Variants in AGMO observed in about 807,000 individuals in gnomAD.
The protein encoded by AGMO is alkylglycerol monooxygenase, also known as glyceryl-ether monooxygenase.
AGMO carries 75 observed loss-of-function variants against 60.2 expected under a neutral mutation model. The ratio of observed to expected loss-of-function variants is 1.25; its 90% CI spans 1.03 to 1.51. The LOEUF is 1.51. Among genes scored for constraint, AGMO ranks in the 40% most tolerant of loss-of-function variants. The probability of loss-of-function intolerance (pLI) is 0.00; values close to 1 mark genes in which losing one functional copy is unlikely to be tolerated. For missense variants in AGMO, 763 were observed against 525.5 expected (o/e 1.45, Z -4.42); for synonymous variants, 261 against 177.1 (o/e 1.47, Z -3.76).
chr7:15,277,097 C>T (rs1324088093), intron 12 of AGMO, among the ~76,000 whole-genome samples: 1 of 151,900 alleles, frequency 6.6e-6, no homozygotes, highest in African/African-American at 2.4e-5. Flanking sequence ...TACCCGAGAT[C>T]AGGAGTTCTA....
At chr7:15,394,521 A>T (rs557572420) in intron 5 of AGMO, among the ~76,000 whole-genome samples, 1 of 152,320 alleles carries the variant, frequency 6.6e-6, no homozygotes, top group East Asian at 1.9e-4. Flanking sequence ...TGGAAATAGT[A>T]ACATATCTAC....
At chr7:15,537,762 T>C (rs1784518834) in intron 3 of AGMO, among the ~76,000 whole-genome samples, 1 of 152,120 alleles carries the variant, frequency 6.6e-6, no homozygotes, top group Non-Finnish European at 1.5e-5. Context: ...ATACATTATC[T>C]ACATATGGAA....
At chr7:15,547,591 A>G (rs1353459986) in intron 2 of AGMO, among the ~76,000 whole-genome samples, 1 of 152,106 alleles carries the variant, frequency 6.6e-6, no homozygotes, top group African/African-American at 2.4e-5. Flanking sequence ...TCCCACACGA[A>G]TATTGCGCTT....
In AGMO at chr7:15,532,748, T is replaced by C. The variant is rs1011216665; in HGVS notation, c.409+12024A>G. Reference sequence around the variant, plus strand: ...GTTCATGCCTATAATCTCAGCACTTTGGGAGGCCGAGGTGAGAGGATGTCT... The same window carrying C: ...GTTCATGCCTATAATCTCAGCACTTCGGGAGGCCGAGGTGAGAGGATGTCT... On this transcript the variant is annotated intron_variant, in intron 3 of 12. Transcript: ENST00000342526. Among the ~76,000 whole-genome samples the C allele has an allele frequency of 2.0e-5, 3 of 152,206 alleles. No homozygotes were observed. In the East Asian group the frequency reaches 5.8e-4, roughly 29 times the overall value.
intron 12 of AGMO, among the ~76,000 whole-genome samples, chr7:15,278,800 T>C (rs915069187): frequency 1.1e-4 from 16 of 152,100 alleles, no homozygotes; most frequent in South Asian, 2.1e-4. Context: ...CAAGGACATA[T>C]TGCTGCCCTC....
chr7:15,517,125 T>G (rs1783833843), intron 3 of AGMO, among the ~76,000 whole-genome samples: 1 of 152,118 alleles, frequency 6.6e-6, no homozygotes, highest in South Asian at 2.1e-4. Flanking sequence ...ATAATGATTT[T>G]GAAAGTGTGT....
At chr7:15,303,740 A>G (rs1780523750) in intron 12 of AGMO, among the ~76,000 whole-genome samples, 1 of 152,146 alleles carries the variant, frequency 6.6e-6, no homozygotes, top group African/African-American at 2.4e-5. Context: ...GAAAAATGAA[A>G]TATTAAGTTA....
intron 3 of AGMO, among the ~76,000 whole-genome samples, chr7:15,538,013 A>T (rs1248193146): frequency 6.6e-6 from 1 of 152,086 alleles, no homozygotes; most frequent in Non-Finnish European, 1.5e-5. Flanking sequence ...CATAGGTGCC[A>T]TATTTTTTGG....
At chr7:15,276,520 A>T (rs527951150) in intron 12 of AGMO, among the ~76,000 whole-genome samples, 126 of 152,048 alleles carry the variant, frequency 8.3e-4, no homozygotes, top group Non-Finnish European at 1.2e-3. Flanking sequence ...CCTTGATGAT[A>T]TTTGTCTTAT....
At chr7:15,286,896 A>G (rs1784114654) in intron 12 of AGMO, among the ~76,000 whole-genome samples, 1 of 152,192 alleles carries the variant, frequency 6.6e-6, no homozygotes, top group Non-Finnish European at 1.5e-5. Context: ...CTCAGCCATA[A>G]AAACAGAATG....
At chr7:15,131,039 T>C in the AGMO span, among the ~76,000 whole-genome samples, 1 of 151,778 alleles carries the variant, frequency 6.6e-6, no homozygotes, top group African/African-American at 2.4e-5. Flanking sequence ...TGTTTCAAAT[T>C]TTTGCTTGTA....
At chr7:15,306,680 T>C in intron 12 of AGMO, 1 of 330,012 alleles carries the variant, frequency 3.0e-6, no homozygotes, top group Non-Finnish European at 5.9e-6. Flanking sequence ...AGTTAGATTT[T>C]AATGTTTAGA....
intron 3 of AGMO, among the ~76,000 whole-genome samples, chr7:15,462,485 G>C (rs992176206): frequency 1.3e-5 from 2 of 152,044 alleles, no homozygotes; most frequent in African/African-American, 4.8e-5. Flanking sequence ...GTCTGATTAA[G>C]TACTAAAATA....
chr7:15,345,730 G>T (rs1221306944), intron 12 of AGMO, among the ~76,000 whole-genome samples: 2 of 151,956 alleles, frequency 1.3e-5, no homozygotes, highest in Non-Finnish European at 2.9e-5. Context: ...CAATCCTAAG[G>T]AGTCAACATT....
chr7:15,476,516 T>C (rs1265459330), intron 3 of AGMO, among the ~76,000 whole-genome samples: 3 of 152,114 alleles, frequency 2.0e-5, no homozygotes, highest in African/African-American at 7.2e-5. Flanking sequence ...AGTAAGTTAT[T>C]ATCTCTGTAA....
chr7:15,262,865 C>A (rs945408189), intron 12 of AGMO, among the ~76,000 whole-genome samples: 1 of 151,878 alleles, frequency 6.6e-6, no homozygotes, highest in Admixed American at 6.6e-5. Context: ...TTCTGGGATA[C>A]CTGGCAAGCC....
intron 3 of AGMO, among the ~76,000 whole-genome samples, chr7:15,488,271 G>C (rs536860942): frequency 6.6e-6 from 1 of 152,282 alleles, no homozygotes; most frequent in East Asian, 1.9e-4. Flanking sequence ...TAGAATTGTA[G>C]TTTGTTGGCA....
chr7:15,512,409 T>A (rs902661879), intron 3 of AGMO, among the ~76,000 whole-genome samples: 6 of 152,158 alleles, frequency 3.9e-5, no homozygotes, highest in African/African-American at 1.4e-4. Context: ...AATACCACCA[T>A]GCCTGGCTAA....
At chr7:15,206,260 C>G (rs1206875181) in intron 12 of AGMO, among the ~76,000 whole-genome samples, 2 of 151,686 alleles carry the variant, frequency 1.3e-5, no homozygotes, top group African/African-American at 4.8e-5. Flanking sequence ...GATTTTTTTT[C>G]TAGAATTTTG....
Sources: gnomAD v4.1 joint callset for allele counts (sites outside exome capture counted in the v4.1 genomes callset) on GRCh38, gnomAD v4.1.1 for gene constraint, MANE v1.5 for transcripts, NCBI Gene and HGNC (gene_info 2026-07-23, HGNC 2026-07-21) for gene names.